EXOC4: variants seen among roughly 807,000 people sequenced by gnomAD.
EXOC4 encodes the protein exocyst complex component 4.
Under a neutral mutation model 107.2 loss-of-function variants are expected in EXOC4, and 71 were observed. The ratio of observed to expected loss-of-function variants is 0.66; its 90% confidence interval spans 0.55 to 0.81. The LOEUF is 0.81. Among genes scored for constraint, EXOC4 ranks in the 30% least tolerant of loss-of-function variants. The pLI, the probability that EXOC4 is intolerant of heterozygous loss-of-function variation, is 0.00. For missense variants in EXOC4, 1,108 were observed against 1,189.6 expected (o/e 0.93, Z 1.01); for synonymous variants, 456 against 441.2 (o/e 1.03, Z -0.42).
chr7:133,275,523 T>C (rs1793968644), intron 2 of EXOC4, among the ~76,000 whole-genome samples: 1 of 152,220 alleles, frequency 6.6e-6, no homozygotes, highest in African/African-American at 2.4e-5. Flanking sequence ...CTAGCAGTTA[T>C]TCTTGTATTT....
At chr7:133,442,359 G>A (rs1210728718) in intron 7 of EXOC4, among the ~76,000 whole-genome samples, 2 of 152,110 alleles carry the variant, frequency 1.3e-5, no homozygotes, top group Admixed American at 6.6e-5. Context: ...AATGATTGGT[G>A]GGATAATTTA....
intron 9 of EXOC4, among the ~76,000 whole-genome samples, chr7:133,607,353 G>C (rs147034522): frequency 1.4e-3 from 206 of 152,286 alleles, no homozygotes; most frequent in African/African-American, 4.8e-3. Context: ...GCAGTTTTCC[G>C]AGGCAGATGG....
At chr7:133,542,799 T>C (rs1800406117) in intron 9 of EXOC4, among the ~76,000 whole-genome samples, 1 of 152,202 alleles carries the variant, frequency 6.6e-6, no homozygotes, top group Admixed American at 6.5e-5. Context: ...ACTGATCTAA[T>C]GAATGGCATT....
chr7:133,810,670 T>C (rs1797204711), intron 10 of EXOC4, among the ~76,000 whole-genome samples: 1 of 150,044 alleles, frequency 6.7e-6, no homozygotes, highest in Admixed American at 6.6e-5. Context: ...TCTTGCTGTG[T>C]TGCCCAGGCT....
intron 9 of EXOC4, among the ~76,000 whole-genome samples, chr7:133,626,207 C>CA (rs535355855): frequency 0.13 from 18,267 of 145,722 alleles, 1,171 homozygotes; most frequent in African/African-American, 0.16. Flanking sequence ...ACTCCATCTC[C>CA]AAAAAAAAAA....
intron 14 of EXOC4, among the ~76,000 whole-genome samples, chr7:133,979,891 GT>G (rs1793938150): frequency 1.3e-5 from 2 of 152,078 alleles, no homozygotes; most frequent in East Asian, 3.9e-4. Context: ...TCAAAATAAT[GT>G]TAAAAACACT....
At chr7:133,257,374 A>G (rs994781231) in intron 1 of EXOC4, among the ~76,000 whole-genome samples, 2 of 151,982 alleles carry the variant, frequency 1.3e-5, no homozygotes, top group African/African-American at 4.8e-5. Context: ...ACGCACACAC[A>G]CACACACACA....
Position 134,004,912 on chromosome 7 carries a change from G to T in EXOC4, c.2349G>T (p.Arg783Ser). Residue 783 changes from arginine to serine, a missense_variant and splice_region_variant, in exon 16 of 18, where the codon AGG becomes AGT. Physicochemically the swap from Arg to Ser is moderately radical, Grantham distance 110 (BLOSUM62 -1). Coordinates refer to ENST00000253861, the MANE Select transcript of EXOC4 (RefSeq NM_021807.4). ...RCLLVLHLEV[R>S]VHCFHYLIPL... ...CTCTCCCTATCTCTCTCTTTTTCAG[G>T]GTTCACTGTTTCCACTATCTTATCC... The T allele has an allele frequency of 6.2e-7, 1 of 1,609,796 alleles. No homozygotes were observed. The highest frequency in any genetic ancestry group is 8.5e-7 in the Non-Finnish European group (1 of 1,177,788).
At chr7:133,597,562 A>C (rs1204120335) in intron 9 of EXOC4, among the ~76,000 whole-genome samples, 1 of 147,118 alleles carries the variant, frequency 6.8e-6, no homozygotes, top group Admixed American at 6.7e-5. Context: ...TTCAAAAAAA[A>C]AAAAAAAAAA....
At chr7:133,966,799 T>A (rs1801081615) in intron 14 of EXOC4, among the ~76,000 whole-genome samples, 1 of 152,174 alleles carries the variant, frequency 6.6e-6, no homozygotes. Context: ...GTTGTTGTTA[T>A]GTTTCTGTCA....
At chr7:134,009,130 T>A (rs1054406670) in intron 17 of EXOC4, among the ~76,000 whole-genome samples, 1 of 152,232 alleles carries the variant, frequency 6.6e-6, no homozygotes, top group Non-Finnish European at 1.5e-5. Context: ...CGTTTATACC[T>A]GAGTGGATTA....
At chr7:133,990,354 G>A (rs1794223390) in intron 14 of EXOC4, among the ~76,000 whole-genome samples, 1 of 144,608 alleles carries the variant, frequency 6.9e-6, no homozygotes, top group Admixed American at 7.4e-5. Flanking sequence ...CCACATTTGA[G>A]TGAGAATGTG....
chr7:134,032,784 C>CA (rs1303302599), intron 17 of EXOC4, among the ~76,000 whole-genome samples: 1 of 152,208 alleles, frequency 6.6e-6, no homozygotes, highest in Non-Finnish European at 1.5e-5. Context: ...ACAGCACCAA[C>CA]AGCTTCCTCC....
At position 133,779,287 on chromosome 7, in the gene EXOC4, CT is replaced by C. The variant is rs1334672644; in HGVS notation, c.1515-38037del. Among the ~76,000 whole-genome samples the C allele has an allele frequency of 2.0e-5, 3 of 152,152 alleles. No homozygotes were observed. In the East Asian group the frequency reaches 5.8e-4, roughly 29 times the overall value. On this transcript the variant is annotated intron_variant, in intron 10 of 17. Transcript: ENST00000253861. ...TTTAAATGCTATGTATTTAATGCCC[CT>C]GTCTATAAAAATGAGGATTTTTTTT...
At chr7:133,753,595 A>G (rs536506535) in intron 10 of EXOC4, among the ~76,000 whole-genome samples, 52 of 152,346 alleles carry the variant, frequency 3.4e-4, no homozygotes, top group African/African-American at 1.2e-3. Flanking sequence ...TGAATGTTAT[A>G]CTATTTATGT....
intron 13 of EXOC4, among the ~76,000 whole-genome samples, chr7:133,932,219 T>C (rs1563061759): frequency 1.3e-5 from 2 of 152,186 alleles, no homozygotes; most frequent in Non-Finnish European, 1.5e-5. Flanking sequence ...ATCGTACATG[T>C]TATATTTTGT....
intron 17 of EXOC4, among the ~76,000 whole-genome samples, chr7:134,057,295 T>C (rs1172781430): frequency 3.3e-5 from 5 of 152,016 alleles, no homozygotes; most frequent in Non-Finnish European, 1.5e-5. Flanking sequence ...ATATGTTTTC[T>C]AAAGACCATT....
chr7:133,756,076 G>A (rs912051646), intron 10 of EXOC4, among the ~76,000 whole-genome samples: 3 of 152,100 alleles, frequency 2.0e-5, no homozygotes, highest in African/African-American at 7.2e-5. Context: ...TCATGCATGT[G>A]TATTCTTATA....
At chr7:133,993,203 G>A (rs1276293775) in intron 14 of EXOC4, among the ~76,000 whole-genome samples, 1 of 152,132 alleles carries the variant, frequency 6.6e-6, no homozygotes, top group Non-Finnish European at 1.5e-5. Flanking sequence ...ATATTGGCCT[G>A]TAGTTTTCTT....
Sources: allele counts gnomAD v4.1 joint callset (sites outside exome capture counted in the v4.1 genomes callset), GRCh38; gene constraint gnomAD v4.1.1; transcripts MANE v1.5; gene names NCBI Gene and HGNC (gene_info 2026-07-23, HGNC 2026-07-21).